Variants in ITPR3 observed in about 807,000 individuals in gnomAD.
The protein encoded by ITPR3 is inositol 1,4,5-trisphosphate-gated calcium channel ITPR3.
ITPR3 carries 173 observed loss-of-function variants against 293.2 expected under a neutral mutation model. The ratio of observed to expected loss-of-function variants is 0.59; its 90% CI spans 0.52 to 0.67. The LOEUF (loss-of-function observed/expected upper bound fraction) is 0.67, where lower values mean the gene tolerates loss of function less well. ITPR3 is among the 30% of genes least tolerant of loss of function. The pLI is 0.00. For missense variants in ITPR3, 2,796 were observed against 3,592.1 expected (o/e 0.78, Z 5.66); for synonymous variants, 1,295 against 1,444.4 (o/e 0.90, Z 2.35).
chr6:33,681,819 C>T lies in ITPR3; in HGVS notation c.4477-705C>T, dbSNP rs1054667070. On this transcript the variant is annotated intron_variant, in intron 33 of 57. Transcript: ENST00000605930. ...ATGGAACTCTGGTAATTGATATCAG[C>T]TTTCCCCATCCTTGATCAGCTCCAG... 3.3e-5 allele frequency among the ~76,000 whole-genome samples: 5 copies of T among 151,972 alleles called. No individual in the cohort carries two copies. In the East Asian group the frequency reaches 9.6e-4, roughly 29 times the overall value.
chr6:33,659,009 C>T lies in ITPR3; in HGVS notation c.529-12C>T. On this transcript the variant is annotated splice_polypyrimidine_tract_variant and intron_variant, in intron 5 of 57. Coordinates refer to ENST00000605930, the MANE Select transcript of ITPR3 (RefSeq NM_002224.4). The stretch of plus-strand genomic sequence containing the variant: ...GCCCTTCCCACCTAACCTGTCCCAC[C>T]TGTCTGCTCAGGTGGTCGTGGGGGA... 6.2e-7 allele frequency: 1 copy of T among 1,613,958 alleles called. No homozygotes were observed. Among genetic ancestry groups the T allele is most frequent in the Non-Finnish European group, 8.5e-7 (1 of 1,179,854 alleles).
rs895216553 is a variant in ITPR3, at chr6:33,621,937, C to T, written c.89+246C>T. ...CTCGGCGGCGCAGCCTCTACCCTCCCGCGCACGCCTTTGGAGGGGGCGGAG... is the reference window on the plus strand; with the variant it reads ...CTCGGCGGCGCAGCCTCTACCCTCCTGCGCACGCCTTTGGAGGGGGCGGAG... On this transcript the variant is annotated intron_variant, in intron 1 of 57. Transcript: ENST00000605930. The surrounding 1 kb of genome is among the most constrained non-coding windows in gnomAD (Gnocchi z 7.7). Among the ~76,000 whole-genome samples the T allele has an allele frequency of 1.3e-5, 2 of 152,174 alleles. No homozygotes were observed. The highest frequency in any genetic ancestry group is 2.9e-5 in the Non-Finnish European group (2 of 68,018).
chr6:33,684,053 C>G lies in ITPR3; in HGVS notation c.4822C>G (p.Pro1608Ala). 1.2e-6 allele frequency: 2 copies of G among 1,611,008 alleles called. No individual in the cohort carries two copies. The highest frequency in any genetic ancestry group is 1.7e-6 in the Non-Finnish European group (2 of 1,179,704). ...CACAGCCCTGGAGGAGCGGCTGAAG[C>G]CCCTGGTACAGGCTGAGCTGTCCGT... is the stretch of plus-strand genomic sequence containing the variant. ...IITALEERLK[P>A]LVQAELSVLV... The change falls in exon 36 of 58, where the codon CCC becomes GCC. Residue 1608 changes from proline (P) to alanine (A), a missense_variant. Physicochemically the swap from Pro to Ala is conservative, Grantham distance 27. Transcript: ENST00000605930. This position sits in a 1 kb window ranked among gnomAD's most constrained non-coding sequence, Gnocchi z 4.2.
intron 1 of ITPR3, among the ~76,000 whole-genome samples, chr6:33,630,175 C>T (rs994791651): frequency 2.6e-5 from 4 of 152,156 alleles, no homozygotes; most frequent in South Asian, 2.1e-4. Flanking sequence ...TCTAAAACAG[C>T]GCCCCGCCCT....
intron 31 of ITPR3, 26 bp from the exon 32 acceptor site, chr6:33,680,303 C>G (rs1250747785): frequency 6.2e-7 from 1 of 1,605,322 alleles, no homozygotes; most frequent in South Asian, 1.1e-5. Flanking sequence ...CCTGCTTGCG[C>G]CCCTGACCTC....
intron 1 of ITPR3, among the ~76,000 whole-genome samples, chr6:33,625,548 C>G (rs374813065): frequency 1.3e-5 from 2 of 152,222 alleles, no homozygotes; most frequent in East Asian, 3.9e-4. Flanking sequence ...TATGAGTACC[C>G]AGAGAGGTAG....
chr6:33,693,053 C>G (rs960997996), intron 55 of ITPR3, among the ~76,000 whole-genome samples, 160 bp downstream of exon 55: 19 of 152,196 alleles, frequency 1.2e-4, no homozygotes, highest in Admixed American at 1.1e-3. Flanking sequence ...GAACATGACC[C>G]TGCCTGAACT....
Position 33,684,775 on chromosome 6 carries a change from C to T in ITPR3, c.5139C>T (p.Gly1713=), listed in dbSNP as rs1445281583. The change falls in exon 39 of 58, where the codon GGC becomes GGT. Residue 1713 remains glycine, a splice_region_variant and synonymous_variant. Transcript: ENST00000605930. The surrounding 1 kb of genome is among the most constrained non-coding windows in gnomAD (Gnocchi z 4.2). ...CCCTCAACCGAGTCCCGCCTCCAGGCCTGGACCCAGACTGGTCGGCAATCG... is the reference window on the plus strand; with the variant it reads ...CCCTCAACCGAGTCCCGCCTCCAGGTCTGGACCCAGACTGGTCGGCAATCG... The part of the protein sequence containing the change: ...RGDLPDPIGT[G]LDPDWSAIAA... 6.2e-7 allele frequency: 1 copy of T among 1,611,150 alleles called. No individual in the cohort carries two copies. The highest frequency in any genetic ancestry group is 8.5e-7 in the Non-Finnish European group (1 of 1,178,256).
chr6:33,660,437 T>G (rs1289420720), intron 7 of ITPR3, among the ~76,000 whole-genome samples: 1 of 152,046 alleles, frequency 6.6e-6, no homozygotes, highest in Non-Finnish European at 1.5e-5. Context: ...TCAGGCTGCC[T>G]CAGTCCCCCA....
In ITPR3 at chr6:33,688,402, A is replaced by G; in HGVS notation, c.6539A>G (p.Asn2180Ser). Residue 2180 changes from asparagine (N) to serine (S), a missense_variant, in exon 48 of 58, where the codon AAC becomes AGC. Asn to Ser is a conservative substitution (Grantham distance 46). This residue lies in a region of ITPR3 where 568 missense variants were observed against 796.1 expected (regional missense o/e 0.71). Transcript: ENST00000605930. The part of the protein sequence containing the change: ...DFFDQSSFLH[N>S]EMEWQRKLRS... ...TTCGACCAGTCCTCCTTCCTGCACA[A>G]CGAGATGGAGTGGCAGCGCAAGCTC... 1 of 1,366,334 alleles carries G rather than the reference A, an allele frequency of 7.3e-7. No homozygotes were observed. Among genetic ancestry groups the G allele is most frequent in the Non-Finnish European group, 9.7e-7 (1 of 1,026,636 alleles). The allele number at this position is 1,366,334 out of a possible 1,614,324, so 84.6% of individuals were successfully genotyped here. A position where few individuals can be genotyped will look rare whatever the true frequency, so the allele number is the denominator to read the frequency against.
In ITPR3 at chr6:33,667,751, C is replaced by G. The variant is rs199534483; in HGVS notation, c.1714-41C>G. 317 of 1,609,590 alleles carry G rather than the reference C, an allele frequency of 2.0e-4. 3 individuals are homozygous for G. In the Middle Eastern group the frequency reaches 2.3e-3, roughly 12 times the overall value. On this transcript the variant is annotated intron_variant, in intron 15 of 57. Transcript: ENST00000605930. The surrounding 1 kb of genome is among the most constrained non-coding windows in gnomAD (Gnocchi z 4.4). ...AGAGCAGAGCTGGGCCCTTGGCCCA[C>G]CTGTGACTCTCTGTGACCCCCAGCC...
intron 2 of ITPR3, among the ~76,000 whole-genome samples, chr6:33,644,377 C>A (rs530733458): frequency 2.0e-5 from 3 of 151,814 alleles, no homozygotes; most frequent in Non-Finnish European, 4.4e-5. Flanking sequence ...CCCGTCTCGG[C>A]CTTCCAAAGT....
chr6:33,668,835 G>T, intron 17 of ITPR3, 139 bp from the exon 18 acceptor site: 1 of 1,176,634 alleles, frequency 8.5e-7, no homozygotes, highest in Admixed American at 2.3e-5. Context: ...AATGAGCCAC[G>T]GACCCTGCCC....
chr6:33,688,036 C>T (rs1379120744), intron 46 of ITPR3, 21 bp from the exon 47 acceptor site: 12 of 1,599,120 alleles, frequency 7.5e-6, no homozygotes, highest in South Asian at 1.1e-5. Context: ...GGCCTGACCT[C>T]CGCGCCCTCC....
In ITPR3 at chr6:33,680,061, GATC is replaced by G; in HGVS notation, c.4154_4156del (p.Ile1385del). 2 of 1,613,832 alleles carry G rather than the reference GATC, an allele frequency of 1.2e-6. No individual in the cohort carries two copies. The highest frequency in any genetic ancestry group is 1.7e-6 in the Non-Finnish European group (2 of 1,180,038). ...CCGAGGGCAAAAACGTCTACACTGA[GATC>G]AAGTGCACCTCCCTGCTGCCGCTGG... On this transcript the variant is annotated inframe_deletion, in exon 31 of 58. Transcript: ENST00000605930.
At position 33,679,747 on chromosome 6, in the gene ITPR3, G is replaced by C; in HGVS notation, c.3973-135G>C. 3.4e-6 allele frequency: 4 copies of C among 1,180,798 alleles called. No individual in the cohort carries two copies. The highest frequency in any genetic ancestry group is 4.6e-6 in the Non-Finnish European group (4 of 863,816). 73.1% of individuals were successfully genotyped at this position (1,180,798 alleles called of 1,614,324 possible). On this transcript the variant is annotated intron_variant, in intron 30 of 57. Transcript: ENST00000605930. The surrounding 1 kb of genome is among the most constrained non-coding windows in gnomAD (Gnocchi z 4.2). ...TCAGCTGGGGAACCCCCAAATCCCAGCCAGGGGAGGGTTTTCCTGATTTCA... is the reference window on the plus strand; with the variant it reads ...TCAGCTGGGGAACCCCCAAATCCCACCCAGGGGAGGGTTTTCCTGATTTCA...
chr6:33,638,556 AT>A lies in ITPR3; in HGVS notation c.90-1925del, dbSNP rs1391933309. Among the ~76,000 whole-genome samples the A allele has an allele frequency of 6.6e-6, 1 of 152,194 alleles. No individual in the cohort carries two copies. Among genetic ancestry groups the A allele is most frequent in the Non-Finnish European group, 1.5e-5 (1 of 68,024 alleles). On this transcript the variant is annotated intron_variant, in intron 1 of 57. Transcript: ENST00000605930. This position sits in a 1 kb window ranked among gnomAD's most constrained non-coding sequence, Gnocchi z 4.3. ...ATTTCATCTTTATTGCTTCCGATCT[AT>A]TTCAGGAACTGCATACAAAAATCTA...
chr6:33,657,856 T>C lies in ITPR3; in HGVS notation c.283-76T>C, dbSNP rs1027058856. ...GTGTTTGTGTGCATGTGTGCGTGCA[T>C]GTGTGGGGCTGGGGTATGTCTTCCT... On this transcript the variant is annotated intron_variant, in intron 3 of 57. Coordinates refer to ENST00000605930, the MANE Select transcript of ITPR3 (RefSeq NM_002224.4). 3 of 1,157,398 alleles carry C rather than the reference T, an allele frequency of 2.6e-6. No homozygotes were observed. In the Admixed American group the frequency reaches 5.6e-5, roughly 22 times the overall value. 71.7% of individuals were successfully genotyped at this position (1,157,398 alleles called of 1,614,324 possible).
intron 2 of ITPR3, among the ~76,000 whole-genome samples, chr6:33,650,041 G>A (rs989153746): frequency 1.3e-5 from 2 of 152,110 alleles, no homozygotes; most frequent in East Asian, 3.8e-4. Context: ...TACACACCCC[G>A]GGACACACAA....
Sources: allele counts gnomAD v4.1 joint callset (sites outside exome capture counted in the v4.1 genomes callset), GRCh38; gene constraint gnomAD v4.1.1; regional missense constraint gnomAD v4.1.1; non-coding constraint Gnocchi (gnomAD v3.1); transcripts MANE v1.5; gene names NCBI Gene and HGNC (gene_info 2026-07-23, HGNC 2026-07-21).